The following PPM1H variants were observed in gnomAD, a reference collection of about 807,000 sequenced individuals.
The protein encoded by PPM1H is protein phosphatase, Mg2+/Mn2+ dependent 1H.
In PPM1H, 27 loss-of-function variants were observed where a neutral mutation model predicts 54.9. That is an observed-to-expected ratio of 0.49 (90% CI 0.36 to 0.68). The LOEUF (loss-of-function observed/expected upper bound fraction) is 0.68. Ranked by LOEUF, PPM1H falls within the 30% of genes least tolerant of loss-of-function variation. The probability of loss-of-function intolerance (pLI) is 0.00; values close to 1 mark genes in which losing one functional copy is unlikely to be tolerated. For missense variants in PPM1H, 596 were observed against 667.8 expected, an observed-to-expected ratio of 0.89 and a Z score of 1.19; for synonymous variants, 305 against 270.8, an observed-to-expected ratio of 1.13 and a Z score of -1.24.
At chr12:62,744,483 A>AC (rs1338368921) in intron 4 of PPM1H, among the ~76,000 whole-genome samples, 3 of 151,976 alleles carry the variant, frequency 2.0e-5, no homozygotes, top group African/African-American at 7.3e-5. Flanking sequence ...AAAAAAAAAA[A>AC]AAAAGGAGTG....
At chr12:62,744,215 A>G (rs2076398102) in intron 4 of PPM1H, among the ~76,000 whole-genome samples, 2 of 151,642 alleles carry the variant, frequency 1.3e-5, no homozygotes, top group South Asian at 4.2e-4. Flanking sequence ...TCACACCTGT[A>G]ATCCCAGCAC....
chr12:62,738,931 C>G (rs2076365593), intron 4 of PPM1H, among the ~76,000 whole-genome samples: 1 of 151,470 alleles, frequency 6.6e-6, no homozygotes, highest in Non-Finnish European at 1.5e-5. Context: ...ACCCCCAACC[C>G]CTCACCACCT....
At chr12:62,656,857 GGTCAGGGGTGGCTTA>G (rs1273155855) in intron 9 of PPM1H, among the ~76,000 whole-genome samples, 1 of 152,042 alleles carries the variant, frequency 6.6e-6, no homozygotes, top group Non-Finnish European at 1.5e-5. Flanking sequence ...GTGGGTGGAG[GGTCAGGGGTGGCTTA>G]GAATAGGGAA....
chr12:62,753,591 T>C (rs1207848206), intron 4 of PPM1H, among the ~76,000 whole-genome samples: 1 of 152,226 alleles, frequency 6.6e-6, no homozygotes, highest in African/African-American at 2.4e-5. Flanking sequence ...CCCCCTACTC[T>C]TGAAGCCTTG....
At chr12:62,780,032 C>T (rs745307281) in intron 4 of PPM1H, among the ~76,000 whole-genome samples, 6 of 152,082 alleles carry the variant, frequency 3.9e-5, no homozygotes, top group Non-Finnish European at 8.8e-5. Context: ...AGTACTTCCC[C>T]AAATGGGTTG....
At position 62,932,628 on chromosome 12, in the gene PPM1H, C is replaced by CTTTTTTTTTTTTTTT. The variant is rs61003358; in HGVS notation, c.245+1849_245+1863dup. On this transcript the variant is annotated intron_variant, in intron 1 of 9. Transcript: ENST00000228705. ...CTGTCTCGTAAAGGGTCCAAATGGG[C>CTTTTTTTTTTTTTTT]TTTTTTTTTTTTTTTTTTTTTTTGA... Among the ~76,000 whole-genome samples, 321 of 54,008 alleles carry CTTTTTTTTTTTTTTT rather than the reference C, an allele frequency of 5.9e-3. 94 individuals carry two copies. Among genetic ancestry groups the CTTTTTTTTTTTTTTT allele is most frequent in the South Asian group, 8.3e-3 (7 of 844 alleles). The allele number at this position is 54,008 out of a possible 152,430, so 35.4% of individuals were successfully genotyped here.
At chr12:62,778,590 T>A (rs547198226) in intron 4 of PPM1H, among the ~76,000 whole-genome samples, 1 of 152,328 alleles carries the variant, frequency 6.6e-6, no homozygotes, top group East Asian at 1.9e-4. Flanking sequence ...ACTGCTTCAT[T>A]AAACTCTTAA....
At chr12:62,872,046 C>A (rs1870006696) in intron 1 of PPM1H, among the ~76,000 whole-genome samples, 1 of 152,154 alleles carries the variant, frequency 6.6e-6, no homozygotes, top group Non-Finnish European at 1.5e-5. Context: ...CAGTTTCTAG[C>A]CAAATGTTTC....
At chr12:62,892,581 G>A (rs548306220) in intron 1 of PPM1H, among the ~76,000 whole-genome samples, 8 of 151,976 alleles carry the variant, frequency 5.3e-5, no homozygotes, top group Admixed American at 1.3e-4. Context: ...ATATAAACCC[G>A]TTTTTAAATT....
At chr12:62,885,913 C>T (rs186200131) in intron 1 of PPM1H, among the ~76,000 whole-genome samples, 85 of 152,268 alleles carry the variant, frequency 5.6e-4, no homozygotes, top group Admixed American at 2.3e-3. Context: ...CTTATAGTAA[C>T]ATCAGGGCTA....
chr12:62,897,107 G>A (rs1270019000), intron 1 of PPM1H, among the ~76,000 whole-genome samples: 2 of 128,446 alleles, frequency 1.6e-5, no homozygotes, highest in African/African-American at 5.8e-5. Flanking sequence ...TTGCGGGGTG[G>A]GGGGAGGGGG....
Position 62,932,628 on chromosome 12 carries a change from C to CTT in PPM1H, c.245+1862_245+1863dup, listed in dbSNP as rs61003358. Among the ~76,000 whole-genome samples the CTT allele has an allele frequency of 9.7e-3, 526 of 53,988 alleles. 88 individuals carry two copies. The highest frequency in any genetic ancestry group is 0.056 in the East Asian group (98 of 1,752). The allele number at this position is 53,988 out of a possible 152,430, so 35.4% of individuals were successfully genotyped here. On this transcript the variant is annotated intron_variant, in intron 1 of 9. Coordinates refer to ENST00000228705, the MANE Select transcript of PPM1H (RefSeq NM_020700.2). ...CTGTCTCGTAAAGGGTCCAAATGGG[C>CTT]TTTTTTTTTTTTTTTTTTTTTTTGA...
rs115316210 is a variant in PPM1H, at chr12:62,717,128, T to C, written c.1073+3043A>G. On this transcript the variant is annotated intron_variant, in intron 6 of 9. Transcript: ENST00000228705. ...TGCTGGGATTATAGGTATGAGCCAC[T>C]GTGCTTGGCCTAAACTGGTTTTCAA... Among the ~76,000 whole-genome samples the C allele has an allele frequency of 2.6e-3, 394 of 152,338 alleles. 2 individuals are homozygous for C. The highest frequency in any genetic ancestry group is 8.8e-3 in the African/African-American group (368 of 41,590).
rs146634596 is a variant in PPM1H at position 62,745,392 on chromosome 12, G to A, written c.870-7806C>T. Among the ~76,000 whole-genome samples, 603 of 152,174 alleles carry A rather than the reference G, an allele frequency of 4.0e-3. 5 individuals are homozygous for A. The highest frequency in any genetic ancestry group is 0.014 in the African/African-American group (569 of 41,516). On this transcript the variant is annotated intron_variant, in intron 4 of 9. Coordinates refer to ENST00000228705, the MANE Select transcript of PPM1H (RefSeq NM_020700.2). Reference sequence around the variant, plus strand: ...TTCTTTATATATTTTTGTATTATTTGACTGTTACAGGAAACGTATGCTCCT... The same window carrying A: ...TTCTTTATATATTTTTGTATTATTTAACTGTTACAGGAAACGTATGCTCCT...
At chr12:62,656,958 G>C (rs1274677030) in intron 9 of PPM1H, among the ~76,000 whole-genome samples, 5 of 152,098 alleles carry the variant, frequency 3.3e-5, no homozygotes, top group African/African-American at 4.8e-5. Flanking sequence ...GCTGAGAGCT[G>C]GTCCACAGAT....
chr12:62,860,951 C>A (rs920010332), intron 1 of PPM1H, among the ~76,000 whole-genome samples: 2 of 152,204 alleles, frequency 1.3e-5, no homozygotes, highest in African/African-American at 2.4e-5. Flanking sequence ...GATGCATCAT[C>A]TTCCTTAACA....
At chr12:62,810,222 C>G (rs1417819489) in intron 2 of PPM1H, among the ~76,000 whole-genome samples, 1 of 152,104 alleles carries the variant, frequency 6.6e-6, no homozygotes, top group Non-Finnish European at 1.5e-5. Context: ...ATTGGTAAAA[C>G]CAATAGAATA....
At chr12:62,704,965 ATTC>A (rs2076164953) in intron 6 of PPM1H, among the ~76,000 whole-genome samples, 1 of 152,164 alleles carries the variant, frequency 6.6e-6, no homozygotes, top group Non-Finnish European at 1.5e-5. Flanking sequence ...TGGCCTAAAG[ATTC>A]TTCTTCTCAC....
At chr12:62,784,527 G>A (rs775413278) in intron 4 of PPM1H, among the ~76,000 whole-genome samples, 4 of 152,014 alleles carry the variant, frequency 2.6e-5, no homozygotes, top group Admixed American at 2.0e-4. Flanking sequence ...CTGTCAAGAT[G>A]TAAAAAAAAA....
Sources: gnomAD v4.1 joint callset for allele counts (sites outside exome capture counted in the v4.1 genomes callset) on GRCh38, gnomAD v4.1.1 for gene constraint, MANE v1.5 for transcripts, NCBI Gene and HGNC (gene_info 2026-07-23, HGNC 2026-07-21) for gene names.